The following TMEM265 variants were observed in gnomAD, a reference collection of about 807,000 sequenced individuals.
The protein encoded by TMEM265 is transmembrane protein 265.
A neutral mutation model predicts 9.5 loss-of-function variants in TMEM265; 8 were observed. That is an observed-to-expected ratio of 0.84 (90% CI 0.49 to 1.52). The LOEUF (loss-of-function observed/expected upper bound fraction) is 1.52. Ranked by LOEUF, TMEM265 falls within the 40% of genes most tolerant of loss-of-function variation. The pLI, the probability that TMEM265 is intolerant of heterozygous loss-of-function variation, is 0.00. For synonymous variants in TMEM265, 53 were observed against 56.9 expected (o/e 0.93, Z 0.31); for missense variants, 152 against 146.2 (o/e 1.04, Z -0.21).
At chr16:30,742,939 A>C (rs1351277306) in intron 2 of TMEM265, among the ~76,000 whole-genome samples, 85 of 132,110 alleles carry the variant, frequency 6.4e-4, no homozygotes, top group African/African-American at 1.8e-3. Flanking sequence ...AAAAAAAAAA[A>C]CAAAAAAAAA....
At position 30,743,983 on chromosome 16, in the gene TMEM265, G is replaced by A. The variant is rs1181913718; in HGVS notation, c.*40G>A. 1 of 1,517,636 alleles carries A rather than the reference G, an allele frequency of 6.6e-7. No individual in the cohort carries two copies. Among genetic ancestry groups the A allele is most frequent in the Admixed American group, 2.0e-5 (1 of 49,458 alleles). 94.0% of individuals were successfully genotyped at this position (1,517,636 alleles called of 1,614,324 possible). ...TGCTGAGAGCCAGCCGAGACCTCCT[G>A]GATCCTGCAATGCGGCATTGCTAAG... On this transcript the variant is annotated 3_prime_UTR_variant, in exon 3 of 3. Transcript: ENST00000615541.
In TMEM265 at chr16:30,744,524, A is replaced by G. The variant is rs2053244721; in HGVS notation, c.*581A>G. On this transcript the variant is annotated 3_prime_UTR_variant, in exon 3 of 3. Coordinates refer to ENST00000615541, the MANE Select transcript of TMEM265 (RefSeq NM_001256829.2). Reference sequence around the variant, plus strand: ...CAGCTGCTACTATTTATTACTTACTATATTCCAGGCTGTGTTCTAAGCACT... The same window carrying G: ...CAGCTGCTACTATTTATTACTTACTGTATTCCAGGCTGTGTTCTAAGCACT... 1 of 152,154 alleles carries G rather than the reference A, an allele frequency of 6.6e-6. No homozygotes were observed. The highest frequency in any genetic ancestry group is 1.5e-5 in the Non-Finnish European group (1 of 68,038). 9.4% of individuals were successfully genotyped at this position (152,154 alleles called of 1,614,324 possible).
chr16:30,743,660 G>A, intron 2 of TMEM265, 122 bp from the exon 3 acceptor site: 4 of 1,195,738 alleles, frequency 3.3e-6, no homozygotes, highest in Non-Finnish European at 3.4e-6. Context: ...AAACTGGAAA[G>A]GGAGGTAGAG....
chr16:30,741,877 T>A lies in TMEM265; in HGVS notation c.134T>A (p.Leu45Gln). ...ATSIICGCSC[L>Q]GVMALVFAIK... ...AGCATTATCTGTGGCTGCTCTTGCC[T>A]GGGAGTCATGGCTCTGGTGTTTGCC... Residue 45 changes from leucine (L) to glutamine (Q), a missense_variant, in exon 2 of 3, where the codon CTG (leucine) becomes CAG (glutamine). Leu to Gln is a moderately radical substitution (Grantham distance 113). Coordinates refer to ENST00000615541, the MANE Select transcript of TMEM265 (RefSeq NM_001256829.2). The A allele has an allele frequency of 1.3e-6, 2 of 1,533,940 alleles. No homozygotes were observed. The highest frequency in any genetic ancestry group is 1.7e-6 in the Non-Finnish European group (2 of 1,146,728).
chr16:30,744,193 T>G lies in TMEM265; in HGVS notation c.*250T>G. ...CCATCTCCCCTACCCTAGCCCACCC[T>G]AGGGCCTCTACCCAGCGGGAGGGGT... is the stretch of plus-strand genomic sequence containing the variant. On this transcript the variant is annotated 3_prime_UTR_variant, in exon 3 of 3. Transcript: ENST00000615541. 2.6e-6 allele frequency: 1 copy of G among 383,016 alleles called. No individual in the cohort carries two copies. Among genetic ancestry groups the G allele is most frequent in the Non-Finnish European group, 4.6e-6 (1 of 217,070 alleles). 23.7% of individuals were successfully genotyped at this position (383,016 alleles called of 1,614,324 possible). A position where few individuals can be genotyped will look rare whatever the true frequency, so the allele number is the denominator to read the frequency against.
chr16:30,744,135 C>A lies in TMEM265; in HGVS notation c.*192C>A. 2 of 595,480 alleles carry A rather than the reference C, an allele frequency of 3.4e-6. No individual in the cohort carries two copies. Among genetic ancestry groups the A allele is most frequent in the Non-Finnish European group, 5.4e-6 (2 of 373,266 alleles). 36.9% of individuals were successfully genotyped at this position (595,480 alleles called of 1,614,324 possible). ...GCAGCTGAGACTGATGAGAGGAGGG[C>A]AGCCTGCTCTGTTCTTTCAGGGCCC... On this transcript the variant is annotated 3_prime_UTR_variant, in exon 3 of 3. Transcript: ENST00000615541.
intron 2 of TMEM265, among the ~76,000 whole-genome samples, chr16:30,742,938 AAC>A (rs1404571567): frequency 6.8e-6 from 1 of 147,470 alleles, no homozygotes; most frequent in East Asian, 2.0e-4. Flanking sequence ...AAAAAAAAAA[AAC>A]AAAAAAAAAC....
chr16:30,741,570 A>T (rs2053225718), intron 1 of TMEM265, among the ~76,000 whole-genome samples, 171 bp from the exon 2 acceptor site: 1 of 152,150 alleles, frequency 6.6e-6, no homozygotes, highest in Admixed American at 6.5e-5. Flanking sequence ...TTCCAGCCAC[A>T]CATTTCCTCT....
chr16:30,744,195 G>A lies in TMEM265; in HGVS notation c.*252G>A, dbSNP rs1165170667. ...ATCTCCCCTACCCTAGCCCACCCTA[G>A]GGCCTCTACCCAGCGGGAGGGGTTG... is the stretch of plus-strand genomic sequence containing the variant. On this transcript the variant is annotated 3_prime_UTR_variant, in exon 3 of 3. Transcript: ENST00000615541. 2 of 391,332 alleles carry A rather than the reference G, an allele frequency of 5.1e-6. No individual in the cohort carries two copies. The highest frequency in any genetic ancestry group is 9.0e-6 in the Non-Finnish European group (2 of 221,426). 24.2% of individuals were successfully genotyped at this position (391,332 alleles called of 1,614,324 possible). A position where few individuals can be genotyped will look rare whatever the true frequency, so the allele number is the denominator to read the frequency against.
intron 2 of TMEM265, among the ~76,000 whole-genome samples, chr16:30,743,572 G>A (rs1420270877): frequency 6.6e-6 from 1 of 152,210 alleles, no homozygotes; most frequent in East Asian, 1.9e-4. Context: ...AGGCGATCTT[G>A]TGAGCTATGG....
chr16:30,743,869 G>A lies in TMEM265; in HGVS notation c.253G>A (p.Val85Ile). The A allele has an allele frequency of 6.5e-7, 1 of 1,533,984 alleles. No homozygotes were observed. The highest frequency in any genetic ancestry group is 8.7e-7 in the Non-Finnish European group (1 of 1,146,728). Residue 85 changes from valine to isoleucine, a missense_variant, in exon 3 of 3, where the codon GTC becomes ATC. Physicochemically the swap from Val to Ile is conservative, Grantham distance 29 (BLOSUM62 3). Transcript: ENST00000615541. Reference sequence around the variant, plus strand: ...GAAACTCATCCTGGCCAGCTTTGCTGTCTGGCTTGCTGTCCTCATTCTGGG... The same window carrying A: ...GAAACTCATCCTGGCCAGCTTTGCTATCTGGCTTGCTGTCCTCATTCTGGG... ...ARKLILASFA[V>I]WLAVLILGPL...
intron 1 of TMEM265, 91 bp from the exon 2 acceptor site, chr16:30,741,650 G>A: frequency 1.5e-6 from 2 of 1,375,828 alleles, no homozygotes; most frequent in Admixed American, 2.5e-5. Context: ...TAGGCCATGA[G>A]AACAGAATGC....
intron 1 of TMEM265, 96 bp downstream of exon 1, chr16:30,740,803 C>G (rs1417280601): frequency 6.6e-6 from 1 of 152,314 alleles, no homozygotes; most frequent in Non-Finnish European, 1.5e-5. Flanking sequence ...TGAGTTATTT[C>G]TTTGTATCTA....
chr16:30,742,353 A>G (rs1417912490), intron 2 of TMEM265, among the ~76,000 whole-genome samples: 1 of 152,134 alleles, frequency 6.6e-6, no homozygotes, highest in Non-Finnish European at 1.5e-5. Context: ...ATAGTGAGAG[A>G]TGAAGCTAGA....
chr16:30,744,248 C>A lies in TMEM265; in HGVS notation c.*305C>A, dbSNP rs971856038. On this transcript the variant is annotated 3_prime_UTR_variant, in exon 3 of 3. Coordinates refer to ENST00000615541, the MANE Select transcript of TMEM265 (RefSeq NM_001256829.2). Reference sequence around the variant, plus strand: ...GACCAGGCCTGGTTTTATTAGAATTCATTTTGTAATAAAAGCCTTTTTTAG... The same window carrying A: ...GACCAGGCCTGGTTTTATTAGAATTAATTTTGTAATAAAAGCCTTTTTTAG... 1.9e-5 allele frequency: 5 copies of A among 269,990 alleles called. No individual in the cohort carries two copies. In the East Asian group the frequency reaches 2.0e-4, roughly 11 times the overall value. 16.7% of individuals were successfully genotyped at this position (269,990 alleles called of 1,614,324 possible).
At position 30,744,083 on chromosome 16, in the gene TMEM265, C is replaced by A. The variant is rs552740256; in HGVS notation, c.*140C>A. 436 of 966,586 alleles carry A rather than the reference C, an allele frequency of 4.5e-4. No homozygotes were observed. In the Middle Eastern group the frequency reaches 9.3e-3, roughly 21 times the overall value. The allele number at this position is 966,586 out of a possible 1,614,324, so 59.9% of individuals were successfully genotyped here. On this transcript the variant is annotated 3_prime_UTR_variant, in exon 3 of 3. Coordinates refer to ENST00000615541, the MANE Select transcript of TMEM265 (RefSeq NM_001256829.2). ...TCTCTCAAGGGGCTTTGGAAGAGCT[C>A]TTCTAGCCCTTTATAAAAGGAGGGC...
rs1408407627 is a variant in TMEM265, at chr16:30,741,767, G to A, written c.24G>A (p.Val8=). The change falls in exon 2 of 3, where the codon GTG becomes GTA. Residue 8 remains valine (V), a synonymous_variant. Transcript: ENST00000615541. The part of the protein sequence containing the change: MEDEEKA[V]EILGNTEAAH... ...TGATGGAGGACGAGGAGAAGGCAGT[G>A]GAGATCTTGGGCAACACGGAAGCTG... is the stretch of plus-strand genomic sequence containing the variant. The A allele has an allele frequency of 6.5e-7, 1 of 1,533,972 alleles. No homozygotes were observed. The highest frequency in any genetic ancestry group is 1.4e-5 in the African/African-American group (1 of 73,090).
chr16:30,741,865 G>T lies in TMEM265; in HGVS notation c.122G>T (p.Gly41Val). The T allele has an allele frequency of 6.5e-7, 1 of 1,533,962 alleles. No homozygotes were observed. Among genetic ancestry groups the T allele is most frequent in the African/African-American group, 1.4e-5 (1 of 73,086 alleles). ...RCLAATSIICGCSCLGVMALV... is the reference protein window; with the variant it reads ...RCLAATSIICVCSCLGVMALV... ...TTGGCAGCTACTAGCATTATCTGTGGCTGCTCTTGCCTGGGAGTCATGGCT... is the reference window on the plus strand; with the variant it reads ...TTGGCAGCTACTAGCATTATCTGTGTCTGCTCTTGCCTGGGAGTCATGGCT... The change falls in exon 2 of 3, where the codon GGC becomes GTC. Residue 41 changes from glycine (G) to valine (V), a missense_variant. Transcript: ENST00000615541.
rs1179756496 is a variant in TMEM265, at chr16:30,741,811, T to C, written c.68T>C (p.Ile23Thr). Reference sequence around the variant, plus strand: ...GAAGCTGCTCATCCTCCATCCCCCATCCGCTGCTGCTGGCTCCGCCTCCGC... The same window carrying C: ...GAAGCTGCTCATCCTCCATCCCCCACCCGCTGCTGCTGGCTCCGCCTCCGC... ...NTEAAHPPSP[I>T]RCCWLRLRCL... Residue 23 changes from isoleucine (I) to threonine (T), a missense_variant, in exon 2 of 3, where the codon ATC becomes ACC. Physicochemically the swap from Ile to Thr is moderately conservative, Grantham distance 89 (BLOSUM62 -1). Transcript: ENST00000615541. 2 of 1,533,872 alleles carry C rather than the reference T, an allele frequency of 1.3e-6. No homozygotes were observed. Among genetic ancestry groups the C allele is most frequent in the East Asian group, 2.4e-5 (1 of 40,932 alleles).
Sources: gnomAD v4.1 joint callset for allele counts (sites outside exome capture counted in the v4.1 genomes callset) on GRCh38, gnomAD v4.1.1 for gene constraint, MANE v1.5 for transcripts, NCBI Gene and HGNC (gene_info 2026-07-23, HGNC 2026-07-21) for gene names.